Variants in MAGI2 observed in about 807,000 individuals in gnomAD.
MAGI2 encodes membrane associated guanylate kinase, WW and PDZ domain containing 2.
In MAGI2, 35 loss-of-function variants were observed where a neutral mutation model predicts 133.3. The observed-to-expected ratio is 0.26, with a 90% CI of 0.20 to 0.35. The LOEUF (loss-of-function observed/expected upper bound fraction) is 0.35, where lower values mean the gene tolerates loss of function less well. Ranked by LOEUF, MAGI2 falls within the 10% of genes least tolerant of loss-of-function variation. MAGI2 has a pLI of 1.00. For missense variants in MAGI2, 1,636 were observed against 1,863.4 expected (o/e 0.88, Z 2.25); for synonymous variants, 729 against 710.6 (o/e 1.03, Z -0.41).
intron 4 of MAGI2, among the ~76,000 whole-genome samples, chr7:78,512,656 G>A (rs1042506850): frequency 2.6e-5 from 4 of 151,982 alleles, no homozygotes; most frequent in African/African-American, 4.8e-5. Flanking sequence ...CACCTGCCTC[G>A]GCCTCTCAAT....
intron 16 of MAGI2, among the ~76,000 whole-genome samples, chr7:78,140,098 G>A (rs1822593012): frequency 6.6e-6 from 1 of 152,128 alleles, no homozygotes; most frequent in African/African-American, 2.4e-5. Context: ...ACCTTGTATA[G>A]TCTACTCCGG....
chr7:78,523,032 G>C (rs551289595), intron 3 of MAGI2, among the ~76,000 whole-genome samples: 1 of 149,806 alleles, frequency 6.7e-6, no homozygotes, highest in Non-Finnish European at 1.5e-5. Flanking sequence ...CACTGCAATG[G>C]AGGAGATACA....
At chr7:79,327,513 A>G (rs1839782322) in intron 1 of MAGI2, among the ~76,000 whole-genome samples, 1 of 152,168 alleles carries the variant, frequency 6.6e-6, no homozygotes, top group Admixed American at 6.5e-5. Flanking sequence ...CTGTTTAGGA[A>G]CACTAACAGT....
chr7:78,370,571 T>A (rs1793820319), intron 6 of MAGI2, among the ~76,000 whole-genome samples: 1 of 151,376 alleles, frequency 6.6e-6, no homozygotes, highest in African/African-American at 2.4e-5. Context: ...CATCCTTTTA[T>A]TGTTTTTGAC....
intron 2 of MAGI2, among the ~76,000 whole-genome samples, chr7:78,669,933 G>C (rs1044933817): frequency 3.3e-5 from 5 of 151,588 alleles, no homozygotes; most frequent in African/African-American, 1.2e-4. Flanking sequence ...AAAATAATAA[G>C]AGCTATCTAT....
chr7:78,342,490 CT>C (rs1250183220), intron 9 of MAGI2, among the ~76,000 whole-genome samples: 2 of 152,168 alleles, frequency 1.3e-5, no homozygotes, highest in Non-Finnish European at 2.9e-5. Context: ...AATCATTCTA[CT>C]ATAAAGACAC....
chr7:78,129,895 G>A (rs561333896), intron 18 of MAGI2, among the ~76,000 whole-genome samples: 21 of 129,346 alleles, frequency 1.6e-4, no homozygotes, highest in African/African-American at 5.4e-4. Flanking sequence ...AGATTGCACC[G>A]TTGCACTCCA....
intron 1 of MAGI2, among the ~76,000 whole-genome samples, chr7:79,016,876 C>T (rs1181430802): frequency 1.3e-5 from 2 of 152,242 alleles, no homozygotes; most frequent in African/African-American, 2.4e-5. Flanking sequence ...CTGCCATCTA[C>T]GTTAATGCAT....
intron 20 of MAGI2, among the ~76,000 whole-genome samples, chr7:78,094,361 G>C (rs1418189493): frequency 1.3e-5 from 2 of 151,960 alleles, no homozygotes; most frequent in Non-Finnish European, 2.9e-5. Flanking sequence ...AGTAATCTTT[G>C]GATATCTTTC....
At chr7:79,076,327 C>T (rs1364282737) in intron 1 of MAGI2, among the ~76,000 whole-genome samples, 1 of 152,194 alleles carries the variant, frequency 6.6e-6, no homozygotes, top group African/African-American at 2.4e-5. Context: ...ACTTGGAGGA[C>T]ACCTCGTGGT....
At chr7:78,755,704 T>C (rs1823878039) in intron 2 of MAGI2, among the ~76,000 whole-genome samples, 2 of 152,202 alleles carry the variant, frequency 1.3e-5, no homozygotes, top group Non-Finnish European at 2.9e-5. Context: ...CTCCTGATTC[T>C]GCCAAAAATG....
Position 78,984,417 on chromosome 7 carries a change from TC to T in MAGI2, c.418+22672del, listed in dbSNP as rs566713650. Reference sequence around the variant, plus strand: ...ACAGCCTATGTGTCCCTACATTGCCTCCCTCCCTCACCCTTCCTTTAACATT... The same window carrying T: ...ACAGCCTATGTGTCCCTACATTGCCTCCTCCCTCACCCTTCCTTTAACATT... On this transcript the variant is annotated intron_variant, in intron 2 of 21. Transcript: ENST00000354212. Among the ~76,000 whole-genome samples, 18 of 151,874 alleles carry T rather than the reference TC, an allele frequency of 1.2e-4. No individual in the cohort carries two copies. In the South Asian group the frequency reaches 2.5e-3, roughly 21 times the overall value.
rs186268082 is a variant in MAGI2, at chr7:78,656,641, A to G, written c.419-29402T>C. Among the ~76,000 whole-genome samples the G allele has an allele frequency of 1.1e-3, 174 of 152,312 alleles. 2 individuals carry two copies. The highest frequency in any genetic ancestry group is 4.1e-3 in the African/African-American group (170 of 41,562). On this transcript the variant is annotated intron_variant, in intron 2 of 21. Coordinates refer to ENST00000354212, the MANE Select transcript of MAGI2 (RefSeq NM_012301.4). The stretch of plus-strand genomic sequence containing the variant: ...CATGAGAACTAATTTGCTAGAGAGT[A>G]GACTTCAGGTGCTCTCACCAGAGAA...
intron 20 of MAGI2, among the ~76,000 whole-genome samples, chr7:78,118,079 G>GC (rs1488906674): frequency 6.6e-6 from 1 of 152,144 alleles, no homozygotes; most frequent in African/African-American, 2.4e-5. Flanking sequence ...TGACAAAGGA[G>GC]CAAAGGCAAT....
intron 1 of MAGI2, among the ~76,000 whole-genome samples, chr7:79,378,616 T>G: frequency 6.6e-6 from 1 of 151,678 alleles, no homozygotes; most frequent in East Asian, 1.9e-4. Flanking sequence ...TCAATTTTTC[T>G]ACATATTCTC....
At chr7:79,047,890 A>G (rs1476634307) in intron 1 of MAGI2, among the ~76,000 whole-genome samples, 1 of 152,164 alleles carries the variant, frequency 6.6e-6, no homozygotes, top group Non-Finnish European at 1.5e-5. Flanking sequence ...TGGTGATTGT[A>G]TGTGCTGTAG....
At chr7:78,305,480 A>G (rs1235634118) in intron 9 of MAGI2, among the ~76,000 whole-genome samples, 1 of 152,170 alleles carries the variant, frequency 6.6e-6, no homozygotes, top group Non-Finnish European at 1.5e-5. Context: ...ATAAATGACT[A>G]TCTGTTTAAG....
chr7:78,380,142 A>AAC (rs3061267), intron 6 of MAGI2, among the ~76,000 whole-genome samples: 3,729 of 149,112 alleles, frequency 0.025, 61 homozygotes, highest in East Asian at 0.05. Flanking sequence ...CTCTAGGGAC[A>AAC]ACACACACAC....
chr7:79,156,985 G>A (rs751557779), intron 1 of MAGI2, among the ~76,000 whole-genome samples: 16 of 151,954 alleles, frequency 1.1e-4, no homozygotes, highest in Non-Finnish European at 2.4e-4. Context: ...CCTGAGTCCT[G>A]GAACTCCCTT....
Sources: gnomAD v4.1 joint callset for allele counts (sites outside exome capture counted in the v4.1 genomes callset) on GRCh38, gnomAD v4.1.1 for gene constraint, MANE v1.5 for transcripts, NCBI Gene and HGNC (gene_info 2026-07-23, HGNC 2026-07-21) for gene names.